The following ZFPM2 variants were observed in gnomAD, a reference collection of about 807,000 sequenced individuals.
ZFPM2 encodes the protein zinc finger protein ZFPM2.
In ZFPM2, 20 loss-of-function variants were observed where a neutral mutation model predicts 98.6. That is an observed-to-expected ratio of 0.20 (90% confidence interval 0.14 to 0.29). The LOEUF is 0.29. Among genes scored for constraint, ZFPM2 ranks in the 10% least tolerant of loss-of-function variants. The pLI is 1.00. For missense variants in ZFPM2, 1,310 were observed against 1,388.6 expected, an observed-to-expected ratio of 0.94 and a Z score of 0.90; for synonymous variants, 518 against 502.7, an observed-to-expected ratio of 1.03 and a Z score of -0.41.
intron 5 of ZFPM2, among the ~76,000 whole-genome samples, chr8:105,718,380 C>CA (rs1811575157): frequency 6.6e-6 from 1 of 151,846 alleles, no homozygotes; most frequent in East Asian, 2.0e-4. Flanking sequence ...CACCACCCCC[C>CA]AAAAAATGAG....
chr8:105,536,422 T>TA (rs1371664274), intron 3 of ZFPM2, among the ~76,000 whole-genome samples: 1 of 152,158 alleles, frequency 6.6e-6, no homozygotes, highest in Admixed American at 6.6e-5. Flanking sequence ...TTCTATTTTT[T>TA]ATGGTTTACT....
intron 5 of ZFPM2, among the ~76,000 whole-genome samples, chr8:105,750,645 A>G (rs966360005): frequency 6.6e-6 from 1 of 151,964 alleles, no homozygotes; most frequent in African/African-American, 2.4e-5. Context: ...GTCTGTTTTG[A>G]CGATGAAATT....
At position 105,689,656 on chromosome 8, in the gene ZFPM2, G is replaced by T. The variant is rs889883631; in HGVS notation, c.532+55299G>T. Reference sequence around the variant, plus strand: ...AAGTTGGTGGTGTTCATGTTGGATGGTGATGCAGTGGCAACAGCAGTGGTG... The same window carrying T: ...AAGTTGGTGGTGTTCATGTTGGATGTTGATGCAGTGGCAACAGCAGTGGTG... On this transcript the variant is annotated intron_variant, in intron 5 of 7. Coordinates refer to ENST00000407775, the MANE Select transcript of ZFPM2 (RefSeq NM_012082.4). Among the ~76,000 whole-genome samples, 2 of 152,192 alleles carry T rather than the reference G, an allele frequency of 1.3e-5. 1 individual carries two copies. The highest frequency in any genetic ancestry group is 4.1e-4 in the South Asian group (2 of 4,832).
At chr8:105,464,045 C>T (rs886683860) in intron 3 of ZFPM2, among the ~76,000 whole-genome samples, 3 of 152,078 alleles carry the variant, frequency 2.0e-5, no homozygotes, top group Non-Finnish European at 2.9e-5. Context: ...TTTTGCAGAA[C>T]AGCCTTCTTA....
intron 4 of ZFPM2, among the ~76,000 whole-genome samples, chr8:105,631,694 C>T (rs1376894872): frequency 6.6e-6 from 1 of 152,020 alleles, no homozygotes; most frequent in Non-Finnish European, 1.5e-5. Flanking sequence ...TATCTGTATC[C>T]TTCACCAAAA....
chr8:105,520,299 T>A (rs1756352680), intron 3 of ZFPM2, among the ~76,000 whole-genome samples: 3 of 152,130 alleles, frequency 2.0e-5, no homozygotes, highest in South Asian at 4.2e-4. Context: ...ATGCAATGTG[T>A]AAAGGAATCA....
At chr8:105,791,725 T>C (rs1483071921) in intron 6 of ZFPM2, among the ~76,000 whole-genome samples, 2 of 152,186 alleles carry the variant, frequency 1.3e-5, no homozygotes, top group Non-Finnish European at 2.9e-5. Flanking sequence ...GGTCCTGGAC[T>C]CTTTTTCATT....
intron 4 of ZFPM2, among the ~76,000 whole-genome samples, chr8:105,614,962 T>G (rs777985136): frequency 6.6e-6 from 1 of 152,196 alleles, no homozygotes; most frequent in Non-Finnish European, 1.5e-5. Context: ...GAATTTACTT[T>G]AGGGTTACTT....
intron 1 of ZFPM2, among the ~76,000 whole-genome samples, chr8:105,382,300 T>C (rs921237530): frequency 1.6e-4 from 24 of 152,078 alleles, no homozygotes; most frequent in African/African-American, 5.3e-4. Flanking sequence ...TCATAAGTTA[T>C]TCATTAGATA....
In ZFPM2 at chr8:105,501,631, G is replaced by A. The variant is rs543648898; in HGVS notation, c.301+57250G>A. ...CAATTCTCATGCCTCAGCCTCCCGA[G>A]TAGCTGGGACTACAGGCATGCACCA... On this transcript the variant is annotated intron_variant, in intron 3 of 7. Coordinates refer to ENST00000407775, the MANE Select transcript of ZFPM2 (RefSeq NM_012082.4). Among the ~76,000 whole-genome samples the A allele has an allele frequency of 5.9e-5, 9 of 151,270 alleles. No homozygotes were observed. The South Asian group carries it at 1.5e-3, about 25-fold the overall frequency.
intron 5 of ZFPM2, among the ~76,000 whole-genome samples, chr8:105,690,610 A>G (rs1173024544): frequency 6.6e-6 from 1 of 151,980 alleles, no homozygotes; most frequent in Non-Finnish European, 1.5e-5. Context: ...ACGAAATGAG[A>G]CTCACCTTGG....
intron 4 of ZFPM2, among the ~76,000 whole-genome samples, chr8:105,587,942 G>A (rs1384203360): frequency 1.3e-5 from 2 of 152,050 alleles, no homozygotes; most frequent in Admixed American, 6.6e-5. Flanking sequence ...GCTGAGAACC[G>A]TTAAAATAGA....
intron 5 of ZFPM2, among the ~76,000 whole-genome samples, chr8:105,701,517 T>C (rs1811140758): frequency 6.6e-6 from 1 of 152,190 alleles, no homozygotes; most frequent in Non-Finnish European, 1.5e-5. Context: ...AAAATGAAAA[T>C]GTGTCTTTAA....
intron 3 of ZFPM2, among the ~76,000 whole-genome samples, chr8:105,456,175 T>G (rs1052594442): frequency 1.3e-5 from 2 of 149,836 alleles, no homozygotes; most frequent in African/African-American, 4.9e-5. Context: ...TTTGTTTTTT[T>G]TTTAAGAAGG....
chr8:105,422,435 C>T (rs1332423812), intron 2 of ZFPM2, among the ~76,000 whole-genome samples: 7 of 141,378 alleles, frequency 5.0e-5, no homozygotes, highest in Admixed American at 1.5e-4. Flanking sequence ...AGCAAGACTC[C>T]GTCTCAAAAA....
chr8:105,698,065 CTCA>C (rs777747769), intron 5 of ZFPM2, among the ~76,000 whole-genome samples: 34 of 152,288 alleles, frequency 2.2e-4, no homozygotes, highest in Non-Finnish European at 4.4e-4. Flanking sequence ...TTGTATTTCT[CTCA>C]TGTCTTTCAC....
chr8:105,515,849 C>G (rs1490442642), intron 3 of ZFPM2, among the ~76,000 whole-genome samples: 1 of 150,772 alleles, frequency 6.6e-6, no homozygotes, highest in Non-Finnish European at 1.5e-5. Flanking sequence ...TCTGATTGCT[C>G]TGGCTTGAAT....
At chr8:105,345,799 A>G (rs1812512395) in intron 1 of ZFPM2, among the ~76,000 whole-genome samples, 1 of 152,188 alleles carries the variant, frequency 6.6e-6, no homozygotes, top group Non-Finnish European at 1.5e-5. Flanking sequence ...ATTTAAGCAC[A>G]TAGACCTGTT....
At chr8:105,618,909 T>A (rs971667105) in intron 4 of ZFPM2, among the ~76,000 whole-genome samples, 3 of 152,152 alleles carry the variant, frequency 2.0e-5, no homozygotes, top group African/African-American at 7.2e-5. Flanking sequence ...TACATATTCA[T>A]CTTGGTTATA....
Sources: allele counts gnomAD v4.1 joint callset (sites outside exome capture counted in the v4.1 genomes callset), GRCh38; gene constraint gnomAD v4.1.1; transcripts MANE v1.5; gene names NCBI Gene and HGNC (gene_info 2026-07-23, HGNC 2026-07-21).